The following NR2F1 variants were observed in gnomAD, a reference collection of about 807,000 sequenced individuals.
NR2F1 encodes the protein COUP transcription factor 1.
Under a neutral mutation model 37.7 loss-of-function variants are expected in NR2F1, and 1 was observed. The observed-to-expected ratio is 0.03, with a 90% confidence interval of 0.01 to 0.13. NR2F1 has a LOEUF of 0.13. Among genes scored for constraint, NR2F1 ranks in the 10% least tolerant of loss-of-function variants. NR2F1 has a pLI of 1.00. For missense variants in NR2F1, 268 were observed against 578.4 expected (o/e 0.46, Z 5.50); for synonymous variants, 275 against 259.6 (o/e 1.06, Z -0.57).
At chr5:93,585,588 G>T in intron 1 of NR2F1, 102 bp downstream of exon 1, 3 of 942,826 alleles carry the variant, frequency 3.2e-6, no homozygotes, top group Non-Finnish European at 4.8e-6. Flanking sequence ...TGGGGCTCCT[G>T]TGGTCCCGGC....
intron 2 of NR2F1, among the ~76,000 whole-genome samples, chr5:93,588,765 A>G (rs1446700012): frequency 2.0e-5 from 3 of 148,504 alleles, no homozygotes; most frequent in Non-Finnish European, 4.5e-5. Flanking sequence ...GGTGCTGTGG[A>G]TCCGTCTGGC....
rs954041949 is a variant in NR2F1, at chr5:93,594,420, C to T, written c.*578C>T. ...TTCCAAATAATTATAAAAAATTGTCCTGTGTCTATGTATCTATATCTGTTT... is the reference window on the plus strand; with the variant it reads ...TTCCAAATAATTATAAAAAATTGTCTTGTGTCTATGTATCTATATCTGTTT... On this transcript the variant is annotated 3_prime_UTR_variant, in exon 3 of 3. Transcript: ENST00000327111. 2 of 152,226 alleles carry T rather than the reference C, an allele frequency of 1.3e-5. No homozygotes were observed. The highest frequency in any genetic ancestry group is 2.4e-5 in the African/African-American group (1 of 41,394). The allele number at this position is 152,226 out of a possible 1,614,324, so 9.4% of individuals were successfully genotyped here. A position where few individuals can be genotyped will look rare whatever the true frequency, so the allele number is the denominator to read the frequency against.
intron 2 of NR2F1, among the ~76,000 whole-genome samples, chr5:93,589,507 C>T (rs1753295785): frequency 6.6e-6 from 1 of 152,242 alleles, no homozygotes; most frequent in Non-Finnish European, 1.5e-5. Context: ...TTGGGCCCTG[C>T]CCACTGTGAG....
intron 2 of NR2F1, chr5:93,592,122 A>T (rs1753341493): frequency 6.6e-6 from 1 of 152,198 alleles, no homozygotes; most frequent in African/African-American, 2.4e-5. Flanking sequence ...AAGGTGTTAG[A>T]ATGCTTTGTA....
intron 1 of NR2F1, among the ~76,000 whole-genome samples, chr5:93,586,735 A>C (rs1021240033): frequency 6.6e-6 from 1 of 152,150 alleles, no homozygotes; most frequent in Non-Finnish European, 1.5e-5. Flanking sequence ...AAAAAAAAAA[A>C]ACTTTGAATT....
At chr5:93,588,974 T>A (rs1580360842) in intron 2 of NR2F1, among the ~76,000 whole-genome samples, 1 of 151,834 alleles carries the variant, frequency 6.6e-6, no homozygotes, top group Admixed American at 6.6e-5. Context: ...CAGAGAGAGG[T>A]GGAAAGAGAA....
At position 93,584,174 on chromosome 5, in the gene NR2F1, G is replaced by C. The variant is rs1197391263; in HGVS notation, c.-850G>C. On this transcript the variant is annotated 5_prime_UTR_variant, in exon 1 of 3. Transcript: ENST00000327111. Reference sequence around the variant, plus strand: ...CCCGCCGGGACAGCGGCGGCGCCGCGGGCGGCCCCGGCCTCCGCTCGCGCT... The same window carrying C: ...CCCGCCGGGACAGCGGCGGCGCCGCCGGCGGCCCCGGCCTCCGCTCGCGCT... 3.4e-5 allele frequency: 5 copies of C among 148,718 alleles called. No homozygotes were observed. Among genetic ancestry groups the C allele is most frequent in the East Asian group, 2.0e-4 (1 of 5,090 alleles). 9.2% of individuals were successfully genotyped at this position (148,718 alleles called of 1,614,324 possible). A position where few individuals can be genotyped will look rare whatever the true frequency, so the allele number is the denominator to read the frequency against.
At chr5:93,586,662 C>T (rs1171206745) in intron 1 of NR2F1, among the ~76,000 whole-genome samples, 1 of 151,794 alleles carries the variant, frequency 6.6e-6, no homozygotes, top group Non-Finnish European at 1.5e-5. Context: ...TCCTTCAGAT[C>T]TCAAGGAGCA....
Position 93,585,314 on chromosome 5 carries a change from C to T in NR2F1, c.291C>T (p.His97=), listed in dbSNP as rs761804916. 8 of 1,612,442 alleles carry T rather than the reference C, an allele frequency of 5.0e-6. No homozygotes were observed. The highest frequency in any genetic ancestry group is 3.3e-5 in the South Asian group (3 of 90,820). The stretch of plus-strand genomic sequence containing the variant: ...GCGGGGACAAGTCGAGCGGCAAGCA[C>T]TACGGCCAATTCACCTGCGAGGGCT... ...VVCGDKSSGK[H]YGQFTCEGCK... Residue 97 remains histidine (H), a synonymous_variant, in exon 1 of 3, where the codon CAC becomes CAT. Coordinates refer to ENST00000327111, the MANE Select transcript of NR2F1 (RefSeq NM_005654.6).
rs1753365870 is a variant in NR2F1 at position 93,593,338 on chromosome 5, G to A, written c.992-224G>A. 6.6e-6 allele frequency among the ~76,000 whole-genome samples: 1 copy of A among 152,060 alleles called. No homozygotes were observed. The highest frequency in any genetic ancestry group is 2.4e-5 in the African/African-American group (1 of 41,480). Reference sequence around the variant, plus strand: ...CTCCAGCTCCCCTAGGCTTGGTGGGGGTTTGATTTATTTTTATTTGTATTG... The same window carrying A: ...CTCCAGCTCCCCTAGGCTTGGTGGGAGTTTGATTTATTTTTATTTGTATTG... On this transcript the variant is annotated intron_variant, in intron 2 of 2. Coordinates refer to ENST00000327111, the MANE Select transcript of NR2F1 (RefSeq NM_005654.6). The surrounding 1 kb of genome is among the most constrained non-coding windows in gnomAD (Gnocchi z 5.6).
intron 2 of NR2F1, among the ~76,000 whole-genome samples, chr5:93,591,667 G>T (rs1236499331): frequency 6.6e-6 from 1 of 152,074 alleles, no homozygotes; most frequent in Non-Finnish European, 1.5e-5. Flanking sequence ...ACTGAGCTGA[G>T]GGGATGCCAG....
intron 2 of NR2F1, among the ~76,000 whole-genome samples, chr5:93,592,591 C>T (rs968910000): frequency 5.3e-5 from 8 of 151,836 alleles, no homozygotes; most frequent in African/African-American, 9.7e-5. Flanking sequence ...TGTCATTGTG[C>T]GGAGGTGCCT....
rs781638354 is a variant in NR2F1, at chr5:93,587,926, G to A, written c.473G>A (p.Arg158Gln). ...KVGMRREAVQ[R>Q]GRMPPTQPNP... ...TCTTTCTTTTTGTCAGCGGTTCAGC[G>A]AGGAAGAATGCCTCCAACCCAGCCC... Residue 158 changes from arginine (R) to glutamine (Q), a missense_variant, in exon 2 of 3, where the codon CGA (arginine) becomes CAA (glutamine). Coordinates refer to ENST00000327111, the MANE Select transcript of NR2F1 (RefSeq NM_005654.6). 1.9e-6 allele frequency: 3 copies of A among 1,568,016 alleles called. No individual in the cohort carries two copies. Among genetic ancestry groups the A allele is most frequent in the Non-Finnish European group, 2.6e-6 (3 of 1,153,638 alleles).
intron 2 of NR2F1, among the ~76,000 whole-genome samples, chr5:93,590,966 A>G (rs1753319369): frequency 6.6e-6 from 1 of 152,258 alleles, no homozygotes; most frequent in African/African-American, 2.4e-5. Flanking sequence ...GGAGCCATCT[A>G]GTTAACATAA....
intron 2 of NR2F1, among the ~76,000 whole-genome samples, chr5:93,592,819 G>A (rs768270135): frequency 1.3e-5 from 2 of 151,944 alleles, no homozygotes; most frequent in Non-Finnish European, 2.9e-5. Context: ...ACAGAGATGT[G>A]ACCAATTTTC....
Position 93,593,911 on chromosome 5 carries a change from AAAG to A in NR2F1, c.*70_*72del. On this transcript the variant is annotated 3_prime_UTR_variant, in exon 3 of 3. Coordinates refer to ENST00000327111, the MANE Select transcript of NR2F1 (RefSeq NM_005654.6). This position sits in a 1 kb window ranked among gnomAD's most constrained non-coding sequence, Gnocchi z 5.6. ...AGGACCCACCTGGGCCAAGGACTCC[AAAG>A]CCGCGGGGACACCGGGAAGTGCAGC... 1.3e-6 allele frequency: 2 copies of A among 1,501,292 alleles called. No individual in the cohort carries two copies. The highest frequency in any genetic ancestry group is 1.8e-6 in the Non-Finnish European group (2 of 1,102,876). The allele number at this position is 1,501,292 out of a possible 1,614,324, so 93.0% of individuals were successfully genotyped here. A position where few individuals can be genotyped will look rare whatever the true frequency, so the allele number is the denominator to read the frequency against.
intron 2 of NR2F1, chr5:93,592,016 G>T (rs557414982): frequency 6.6e-6 from 1 of 152,356 alleles, no homozygotes; most frequent in Non-Finnish European, 1.5e-5. Context: ...GAGGAACCTA[G>T]TCTGTATCTG....
At position 93,593,177 on chromosome 5, in the gene NR2F1, C is replaced by T. The variant is rs1753362444; in HGVS notation, c.992-385C>T. ...GTTAATGAGCACGGCCAGAAAGATG[C>T]TCCCTTGCAGGCCGAGGACAGGTTG... is the stretch of plus-strand genomic sequence containing the variant. On this transcript the variant is annotated intron_variant, in intron 2 of 2. Coordinates refer to ENST00000327111, the MANE Select transcript of NR2F1 (RefSeq NM_005654.6). This position sits in a 1 kb window ranked among gnomAD's most constrained non-coding sequence, Gnocchi z 5.6. 6.6e-6 allele frequency among the ~76,000 whole-genome samples: 1 copy of T among 152,198 alleles called. No homozygotes were observed. Among genetic ancestry groups the T allele is most frequent in the African/African-American group, 2.4e-5 (1 of 41,446 alleles).
chr5:93,591,268 C>T (rs1442787231), intron 2 of NR2F1, among the ~76,000 whole-genome samples: 1 of 152,238 alleles, frequency 6.6e-6, no homozygotes, highest in Non-Finnish European at 1.5e-5. Context: ...TGGGGTATAA[C>T]TCATGGAGCA....
Sources: gnomAD v4.1 joint callset for allele counts (sites outside exome capture counted in the v4.1 genomes callset) on GRCh38, gnomAD v4.1.1 for gene constraint, Gnocchi (gnomAD v3.1) non-coding constraint, MANE v1.5 for transcripts, NCBI Gene and HGNC (gene_info 2026-07-23, HGNC 2026-07-21) for gene names.